ADGRD1: variants seen among roughly 807,000 people sequenced by gnomAD.
ADGRD1 encodes G-protein coupled receptor 133.
A neutral mutation model predicts 113.4 loss-of-function variants in ADGRD1; 77 were observed. The ratio of observed to expected loss-of-function variants is 0.68; its 90% CI spans 0.57 to 0.82. ADGRD1 has a LOEUF of 0.82. Among genes scored for constraint, ADGRD1 ranks in the 40% least tolerant of loss-of-function variants. ADGRD1 has a pLI of 0.00. For missense variants in ADGRD1, 1,036 were observed against 1,139.1 expected (o/e 0.91, Z 1.30); for synonymous variants, 474 against 475.0 (o/e 1.00, Z 0.03).
chr12:131,037,968 A>T (rs1226841909), intron 13 of ADGRD1, among the ~76,000 whole-genome samples: 1 of 146,330 alleles, frequency 6.8e-6, no homozygotes, highest in African/African-American at 2.6e-5. Flanking sequence ...ACCGGGCCCC[A>T]CTCACTGCAC....
At chr12:131,122,377 C>T (rs1046003556) in intron 20 of ADGRD1, among the ~76,000 whole-genome samples, 1 of 151,942 alleles carries the variant, frequency 6.6e-6, no homozygotes, top group Non-Finnish European at 1.5e-5. Context: ...TTTGGGGCTG[C>T]GCGCTTGAGC....
In ADGRD1 at chr12:131,057,223, C is replaced by T. The variant is rs536633995; in HGVS notation, c.1474-19578C>T. On this transcript the variant is annotated intron_variant, in intron 13 of 24. Transcript: ENST00000261654. The surrounding 1 kb of genome is among the most constrained non-coding windows in gnomAD (Gnocchi z 4.2). The stretch of plus-strand genomic sequence containing the variant: ...ACTGCACGGAACGCTGCCTGGCGAG[C>T]GCCTGCTGGTGTTTGAGAGAAGCTC... Among the ~76,000 whole-genome samples, 5 of 152,312 alleles carry T rather than the reference C, an allele frequency of 3.3e-5. No homozygotes were observed. Among genetic ancestry groups the T allele is most frequent in the Admixed American group, 2.0e-4 (3 of 15,308 alleles).
chr12:131,020,489 G>C (rs1164497538), intron 13 of ADGRD1, among the ~76,000 whole-genome samples: 1 of 152,242 alleles, frequency 6.6e-6, no homozygotes, highest in South Asian at 2.1e-4. Context: ...AGGCTCACAC[G>C]CAGTGGGGCA....
intron 13 of ADGRD1, among the ~76,000 whole-genome samples, chr12:131,047,188 C>T (rs1256921933): frequency 6.6e-6 from 1 of 152,246 alleles, no homozygotes; most frequent in Non-Finnish European, 1.5e-5. Flanking sequence ...CCTGGTTTGT[C>T]TCTAAGGCAG....
intron 5 of ADGRD1, among the ~76,000 whole-genome samples, chr12:130,985,849 GCC>G (rs1207163954): frequency 6.6e-6 from 1 of 152,194 alleles, no homozygotes; most frequent in Non-Finnish European, 1.5e-5. Context: ...ACTGCGTCCG[GCC>G]AAGATTCTTT....
Position 131,055,980 on chromosome 12 carries a change from A to G in ADGRD1, c.1474-20821A>G, listed in dbSNP as rs528913610. Among the ~76,000 whole-genome samples, 4 of 152,326 alleles carry G rather than the reference A, an allele frequency of 2.6e-5. No individual in the cohort carries two copies. The South Asian group carries it at 8.3e-4, about 32-fold the overall frequency. ...GCTGTAAAATAGATCAGAATTTTACAAACTTTGAAACCCACACCATTATTT... is the reference window on the plus strand; with the variant it reads ...GCTGTAAAATAGATCAGAATTTTACGAACTTTGAAACCCACACCATTATTT... On this transcript the variant is annotated intron_variant, in intron 13 of 24. Transcript: ENST00000261654.
rs553060008 is a variant in ADGRD1 at position 131,050,769 on chromosome 12, G to T, written c.1474-26032G>T. On this transcript the variant is annotated intron_variant, in intron 13 of 24. Transcript: ENST00000261654. This position sits in a 1 kb window ranked among gnomAD's most constrained non-coding sequence, Gnocchi z 4.8. ...CACGGATGGGGTGGGGGATGGATTCGGGATGAAACTGTTCCCCCTCAGATC... is the reference window on the plus strand; with the variant it reads ...CACGGATGGGGTGGGGGATGGATTCTGGATGAAACTGTTCCCCCTCAGATC... 6.6e-6 allele frequency among the ~76,000 whole-genome samples: 1 copy of T among 152,088 alleles called. No individual in the cohort carries two copies. Among genetic ancestry groups the T allele is most frequent in the African/African-American group, 2.4e-5 (1 of 41,406 alleles).
At chr12:130,982,144 G>A (rs1485575538) in intron 5 of ADGRD1, 81 bp downstream of exon 5, 14 of 1,252,694 alleles carry the variant, frequency 1.1e-5, no homozygotes, top group Non-Finnish European at 1.6e-5. Flanking sequence ...GAAGCCCAAC[G>A]CAGCCCAAGG....
intron 21 of ADGRD1, among the ~76,000 whole-genome samples, chr12:131,135,739 A>G (rs1373066966): frequency 6.6e-6 from 1 of 152,106 alleles, no homozygotes; most frequent in African/African-American, 2.4e-5. Context: ...AAACAGCTCA[A>G]ATGCAAGCCC....
intron 13 of ADGRD1, among the ~76,000 whole-genome samples, chr12:131,068,340 C>G (rs938214421): frequency 6.6e-6 from 1 of 152,182 alleles, no homozygotes; most frequent in African/African-American, 2.4e-5. Context: ...TTCTCTGCCT[C>G]TGGCCCAACA....
At chr12:131,070,920 G>A in intron 13 of ADGRD1, 1 of 519,024 alleles carries the variant, frequency 1.9e-6, no homozygotes, top group South Asian at 1.4e-5. Context: ...TGGTGGAGAA[G>A]AGTCCTGGGG....
chr12:131,034,231 C>T (rs998941036), intron 13 of ADGRD1, among the ~76,000 whole-genome samples: 11 of 152,360 alleles, frequency 7.2e-5, no homozygotes, highest in East Asian at 5.8e-4. Context: ...CATTCCACTC[C>T]GCTCCCGCCA....
intron 5 of ADGRD1, among the ~76,000 whole-genome samples, chr12:130,982,637 G>A (rs1873150519): frequency 6.6e-6 from 1 of 152,202 alleles, no homozygotes; most frequent in African/African-American, 2.4e-5. Flanking sequence ...GGGAGCAGAG[G>A]AAGGGGCTAG....
chr12:131,122,488 G>T (rs1195936), intron 20 of ADGRD1, among the ~76,000 whole-genome samples: 124,588 of 152,084 alleles, frequency 0.82, 52,365 homozygotes, highest in Middle Eastern at 0.93. Flanking sequence ...GAGGCTTCAG[G>T]GAGAGGTCCC....
chr12:130,987,297 G>A lies in ADGRD1; in HGVS notation c.693G>A (p.Trp231Ter). The A allele has an allele frequency of 3.1e-6, 5 of 1,614,168 alleles. No homozygotes were observed. Among genetic ancestry groups the A allele is most frequent in the Non-Finnish European group, 4.2e-6 (5 of 1,180,032 alleles). The change falls in exon 6 of 25, where the codon TGG becomes TGA. Residue 231 changes from tryptophan to a stop codon, truncating the protein, a stop_gained. Coordinates refer to ENST00000261654, the MANE Select transcript of ADGRD1 (RefSeq NM_198827.5). LOFTEE classifies it high-confidence loss of function. Reference sequence around the variant, plus strand: ...GTGCTTTCGATGAGTTCATCATCTGGGAGCGGGCTCTGACTCCGGATGAGA... The same window carrying A: ...GTGCTTTCGATGAGTTCATCATCTGAGAGCGGGCTCTGACTCCGGATGAGA... ...ENGAFDEFIIWERALTPDEIA... is the reference protein window; with the variant it reads ...ENGAFDEFII
chr12:131,094,344 C>T (rs143734659), intron 15 of ADGRD1, among the ~76,000 whole-genome samples: 1 of 152,284 alleles, frequency 6.6e-6, no homozygotes, highest in Non-Finnish European at 1.5e-5. Flanking sequence ...AGCATTGACC[C>T]GTTCATGGCC....
intron 17 of ADGRD1, among the ~76,000 whole-genome samples, chr12:131,108,015 G>A (rs1950271152): frequency 6.6e-6 from 1 of 152,150 alleles, no homozygotes; most frequent in South Asian, 2.1e-4. Context: ...GCAGAGGAGT[G>A]GAGCCCCAGG....
intron 20 of ADGRD1, among the ~76,000 whole-genome samples, chr12:131,129,173 A>G (rs1950833314): frequency 2.6e-5 from 3 of 113,684 alleles, no homozygotes; most frequent in Non-Finnish European, 3.5e-5. Flanking sequence ...AGTGTGAGTG[A>G]CAGGCCCGCC....
At chr12:130,960,292 A>G (rs1870183593) in intron 2 of ADGRD1, among the ~76,000 whole-genome samples, 1 of 151,998 alleles carries the variant, frequency 6.6e-6, no homozygotes, top group Non-Finnish European at 1.5e-5. Context: ...GGCTCACTTC[A>G]CCCGCTCTAT....
Sources: allele counts gnomAD v4.1 joint callset (sites outside exome capture counted in the v4.1 genomes callset), GRCh38; gene constraint gnomAD v4.1.1; non-coding constraint Gnocchi (gnomAD v3.1); transcripts MANE v1.5; gene names NCBI Gene and HGNC (gene_info 2026-07-23, HGNC 2026-07-21).